The following ACYP2 variants were observed in gnomAD, a reference collection of about 807,000 sequenced individuals.
ACYP2 encodes the protein acylphosphatase-2.
In ACYP2, 12 loss-of-function variants were observed where a neutral mutation model predicts 11.2. The observed-to-expected ratio is 1.08, with a 90% CI of 0.69 to 1.74. The LOEUF (loss-of-function observed/expected upper bound fraction) is 1.74. ACYP2 is among the 40% of genes most tolerant of loss of function. ACYP2 has a pLI of 0.00. For synonymous variants in ACYP2, 43 were observed against 32.2 expected (o/e 1.33, Z -1.13); for missense variants, 134 against 101.9 (o/e 1.31, Z -1.35).
chr2:54,057,250 T>C lies in ACYP2; in HGVS notation c.167T>C (p.Ile56Thr). The change falls in exon 4 of 7, where the codon ATA (isoleucine) becomes ACA (threonine). Residue 56 changes from isoleucine to threonine, a missense_variant. Transcript: ENST00000607452. The stretch of plus-strand genomic sequence containing the variant: ...TATTTTGTTTCCAGCTATAAATTCA[T>C]ACAATTATCAGAGTTTGGTTTTGGT... 2 of 398,012 alleles carry C rather than the reference T, an allele frequency of 5.0e-6. No homozygotes were observed. The highest frequency in any genetic ancestry group is 4.4e-5 in the Admixed American group (1 of 22,734). The allele number at this position is 398,012 out of a possible 1,614,324, so 24.7% of individuals were successfully genotyped here.
intron 6 of ACYP2, chr2:54,223,035 A>G (rs1685864731): frequency 6.6e-6 from 1 of 152,162 alleles, no homozygotes; most frequent in African/African-American, 2.4e-5. Flanking sequence ...GATAGCCCAG[A>G]TACCCAACAA....
chr2:54,071,831 C>G (rs773857780), intron 4 of ACYP2, among the ~76,000 whole-genome samples: 3 of 152,006 alleles, frequency 2.0e-5, no homozygotes, highest in East Asian at 1.9e-4. Context: ...GTCAACATGA[C>G]AAAACCCCAT....
chr2:54,224,976 G>T (rs572908439), intron 6 of ACYP2, among the ~76,000 whole-genome samples: 19 of 152,322 alleles, frequency 1.2e-4, no homozygotes, highest in African/African-American at 4.6e-4. Flanking sequence ...CATTCCAGCA[G>T]TATGGCTGGA....
chr2:54,115,202 A>G (rs1679679851), intron 4 of ACYP2, among the ~76,000 whole-genome samples: 1 of 152,254 alleles, frequency 6.6e-6, no homozygotes, highest in African/African-American at 2.4e-5. Flanking sequence ...TCATTAAAAA[A>G]TGGTGCAATG....
intron 6 of ACYP2, among the ~76,000 whole-genome samples, chr2:54,209,774 A>C (rs1685251567): frequency 6.6e-6 from 1 of 152,168 alleles, no homozygotes; most frequent in African/African-American, 2.4e-5. Context: ...TATTCCTGCC[A>C]TGTTGAGCTT....
intron 6 of ACYP2, among the ~76,000 whole-genome samples, chr2:54,243,539 G>A (rs536820499): frequency 6.6e-6 from 1 of 152,102 alleles, no homozygotes; most frequent in South Asian, 2.1e-4. Context: ...CTGTCGCCCA[G>A]GCTGGAGTGT....
At chr2:54,247,049 C>T (rs1262067157) in intron 6 of ACYP2, among the ~76,000 whole-genome samples, 1 of 152,108 alleles carries the variant, frequency 6.6e-6, no homozygotes, top group African/African-American at 2.4e-5. Flanking sequence ...ATTCCCTGCC[C>T]CAAAGTCCTA....
In ACYP2 at chr2:54,245,510, C is replaced by A. The variant is rs190455955; in HGVS notation, c.405-59178C>A. ...TCCCACCAACAGTGTGTAAGTGTTT[C>A]CTTTTCTCTGCATCGTTGTTTTTTG... On this transcript the variant is annotated intron_variant, in intron 6 of 6. Coordinates refer to ENST00000607452, the MANE Select transcript of ACYP2 (RefSeq NM_001320586.2). Among the ~76,000 whole-genome samples the A allele has an allele frequency of 2.6e-5, 4 of 152,118 alleles. No homozygotes were observed. In the East Asian group the frequency reaches 7.7e-4, roughly 29 times the overall value.
At chr2:54,266,362 C>T (rs150756141) in intron 6 of ACYP2, among the ~76,000 whole-genome samples, 166 of 152,146 alleles carry the variant, frequency 1.1e-3, no homozygotes, top group Non-Finnish European at 2.1e-3. Flanking sequence ...CAGGAAAACT[C>T]TCAAAAGCAT....
intron 6 of ACYP2, among the ~76,000 whole-genome samples, chr2:54,288,104 T>C (rs1267270240): frequency 2.0e-5 from 3 of 151,920 alleles, no homozygotes; most frequent in African/African-American, 7.3e-5. Context: ...CTTTCCTCTA[T>C]CCAGGGAAAA....
In ACYP2 at chr2:54,020,026, T is replaced by A. The variant is rs189308257; in HGVS notation, c.63-30932T>A. 6.7e-3 allele frequency among the ~76,000 whole-genome samples: 1,025 copies of A among 152,046 alleles called. 17 individuals carry two copies. Among genetic ancestry groups the A allele is most frequent in the Non-Finnish European group, 6.6e-3 (452 of 67,996 alleles). ...GGTGCAATCTCGGCTCACTGCAACCTCCTGGGTTCAAGGGATTCTCCTGCC... is the reference window on the plus strand; with the variant it reads ...GGTGCAATCTCGGCTCACTGCAACCACCTGGGTTCAAGGGATTCTCCTGCC... On this transcript the variant is annotated intron_variant, in intron 2 of 6. Coordinates refer to ENST00000607452, the MANE Select transcript of ACYP2 (RefSeq NM_001320586.2).
intron 6 of ACYP2, among the ~76,000 whole-genome samples, chr2:54,256,661 G>T (rs1687553548): frequency 6.6e-6 from 1 of 152,074 alleles, no homozygotes; most frequent in South Asian, 2.1e-4. Context: ...CTTTTCTTTT[G>T]GACTCGTAGT....
rs1679014962 is a variant in ACYP2, at chr2:54,103,634, T to C, written c.278-31819T>C. Among the ~76,000 whole-genome samples the C allele has an allele frequency of 2.0e-5, 3 of 152,242 alleles. No homozygotes were observed. The South Asian group carries it at 6.2e-4, about 31-fold the overall frequency. On this transcript the variant is annotated intron_variant, in intron 4 of 6. Coordinates refer to ENST00000607452, the MANE Select transcript of ACYP2 (RefSeq NM_001320586.2). ...CTGATTTAACTTCTGTGGCCCAGTT[T>C]TCTCATCTGTAAAATGGGCCATTGA...
chr2:53,979,107 T>G (rs756634133), intron 2 of ACYP2, among the ~76,000 whole-genome samples: 4 of 151,420 alleles, frequency 2.6e-5, no homozygotes, highest in Non-Finnish European at 5.9e-5. Flanking sequence ...GGTCCTTCAG[T>G]AGGGATTCGA....
intron 4 of ACYP2, among the ~76,000 whole-genome samples, chr2:54,101,399 G>A (rs766751144): frequency 3.9e-5 from 6 of 152,140 alleles, no homozygotes; most frequent in Non-Finnish European, 7.4e-5. Flanking sequence ...GGCCGGGCGC[G>A]GTGGCTCACG....
intron 2 of ACYP2, chr2:54,030,009 C>G (rs1674498971): frequency 4.2e-6 from 1 of 239,374 alleles, no homozygotes; most frequent in African/African-American, 2.3e-5. Flanking sequence ...CAGACCAATT[C>G]AAAGTGTTAC....
intron 6 of ACYP2, among the ~76,000 whole-genome samples, chr2:54,251,734 T>C (rs888965928): frequency 6.6e-6 from 1 of 152,208 alleles, no homozygotes; most frequent in African/African-American, 2.4e-5. Context: ...GGTGTGCTTA[T>C]AGTCTTGAAA....
chr2:54,206,236 A>G (rs531298380), intron 6 of ACYP2, among the ~76,000 whole-genome samples: 7 of 152,334 alleles, frequency 4.6e-5, no homozygotes, highest in African/African-American at 1.7e-4. Context: ...TGGGCTCAGT[A>G]TATCGTTGTA....
chr2:54,089,606 G>C (rs950205290), intron 4 of ACYP2, among the ~76,000 whole-genome samples: 4 of 151,802 alleles, frequency 2.6e-5, no homozygotes, highest in Non-Finnish European at 5.9e-5. Context: ...TGGGCATGGT[G>C]GTGCATGCCT....
Sources: allele counts gnomAD v4.1 joint callset (sites outside exome capture counted in the v4.1 genomes callset), GRCh38; gene constraint gnomAD v4.1.1; transcripts MANE v1.5; gene names NCBI Gene and HGNC (gene_info 2026-07-23, HGNC 2026-07-21).